The following GABRG3 variants were observed in gnomAD, a reference collection of about 807,000 sequenced individuals.
GABRG3 encodes the protein gamma-aminobutyric acid type A receptor subunit gamma3.
In GABRG3, 25 loss-of-function variants were observed where a neutral mutation model predicts 48.8. The ratio of observed to expected loss-of-function variants is 0.51; its 90% CI spans 0.37 to 0.72. The LOEUF (loss-of-function observed/expected upper bound fraction) is 0.72. Among genes scored for constraint, GABRG3 ranks in the 30% least tolerant of loss-of-function variants. GABRG3 has a pLI of 0.00. For synonymous variants in GABRG3, 227 were observed against 217.6 expected (o/e 1.04, Z -0.38); for missense variants, 394 against 577.9 (o/e 0.68, Z 3.26).
chr15:27,424,431 A>C (rs186305576), intron 5 of GABRG3, among the ~76,000 whole-genome samples: 1 of 152,118 alleles, frequency 6.6e-6, no homozygotes, highest in African/African-American at 2.4e-5. Context: ...CTGTGTCCTC[A>C]CATGGCAGGG....
chr15:27,051,661 C>A (rs997537932), intron 3 of GABRG3, among the ~76,000 whole-genome samples: 39 of 152,188 alleles, frequency 2.6e-4, no homozygotes, highest in African/African-American at 8.4e-4. Context: ...GGACCGGTTT[C>A]ATGGAAGACA....
At chr15:26,996,412 C>T in intron 2 of GABRG3, among the ~76,000 whole-genome samples, 1 of 151,966 alleles carries the variant, frequency 6.6e-6, no homozygotes, top group East Asian at 1.9e-4. Flanking sequence ...ACATTGTCTT[C>T]TGGCTTCCAT....
chr15:27,032,665 A>G (rs561208837), intron 3 of GABRG3, among the ~76,000 whole-genome samples: 1 of 152,350 alleles, frequency 6.6e-6, no homozygotes, highest in South Asian at 2.1e-4. Flanking sequence ...GCACAGCACT[A>G]AGCCATTCAT....
intron 5 of GABRG3, among the ~76,000 whole-genome samples, chr15:27,383,327 T>G (rs1320348649): frequency 1.3e-5 from 2 of 152,240 alleles, no homozygotes; most frequent in African/African-American, 4.8e-5. Flanking sequence ...CTTTCGCTTG[T>G]TGAATCTAGT....
chr15:27,522,819 T>C (rs3097501), intron 7 of GABRG3, among the ~76,000 whole-genome samples: 96,069 of 151,682 alleles, frequency 0.63, 31,835 homozygotes, highest in African/African-American at 0.84. Context: ...CAACAAAAAC[T>C]GAGAAGAGGA....
chr15:27,403,210 C>CA (rs36025515), intron 5 of GABRG3, among the ~76,000 whole-genome samples: 9,403 of 149,184 alleles, frequency 0.063, 964 homozygotes, highest in African/African-American at 0.22. Flanking sequence ...ATAAAATGAC[C>CA]AAAAAAAAAT....
intron 3 of GABRG3, among the ~76,000 whole-genome samples, chr15:27,199,417 C>G (rs74004722): frequency 1.1e-3 from 166 of 152,258 alleles, no homozygotes; most frequent in African/African-American, 3.9e-3. Flanking sequence ...GGTGAGGACT[C>G]TAGCCCAAAC....
intron 5 of GABRG3, among the ~76,000 whole-genome samples, chr15:27,395,752 A>C (rs1162910323): frequency 6.6e-6 from 1 of 152,252 alleles, no homozygotes; most frequent in Non-Finnish European, 1.5e-5. Flanking sequence ...AATGTAAACA[A>C]ATAATTCTAG....
At chr15:27,393,678 G>A (rs1887216632) in intron 5 of GABRG3, among the ~76,000 whole-genome samples, 1 of 152,140 alleles carries the variant, frequency 6.6e-6, no homozygotes, top group Non-Finnish European at 1.5e-5. Flanking sequence ...CAGAAAATGT[G>A]TAGTGGTTTC....
intron 3 of GABRG3, among the ~76,000 whole-genome samples, chr15:27,234,544 C>T (rs1337633797): frequency 1.3e-5 from 2 of 152,148 alleles, no homozygotes; most frequent in Non-Finnish European, 2.9e-5. Context: ...CTGCCTTTCT[C>T]CTCTTCTTTA....
intron 2 of GABRG3, among the ~76,000 whole-genome samples, chr15:26,984,676 T>A (rs1210925228): frequency 7.8e-6 from 1 of 127,876 alleles, no homozygotes; most frequent in Non-Finnish European, 1.9e-5. Flanking sequence ...TGGAGGAGGA[T>A]AAACCTTTTA....
chr15:27,389,464 G>A (rs538892476), intron 5 of GABRG3, among the ~76,000 whole-genome samples: 16 of 152,244 alleles, frequency 1.1e-4, no homozygotes, highest in East Asian at 9.7e-4. Context: ...TTGTACCAGC[G>A]CCACCACTGT....
intron 5 of GABRG3, among the ~76,000 whole-genome samples, chr15:27,387,033 A>C (rs528883325): frequency 6.6e-6 from 1 of 152,270 alleles, no homozygotes; most frequent in South Asian, 2.1e-4. Context: ...TTTTACCTTC[A>C]CTTGGAAACT....
rs139289883 is a variant in GABRG3, at chr15:27,221,581, G to C, written c.271-105228G>C. Among the ~76,000 whole-genome samples, 55 of 152,198 alleles carry C rather than the reference G, an allele frequency of 3.6e-4. 1 individual carries two copies. In the East Asian group the frequency reaches 9.1e-3, roughly 25 times the overall value. On this transcript the variant is annotated intron_variant, in intron 3 of 9. Transcript: ENST00000615808. ...AGAGAGACCCGGAGAGTCCCTTGGG[G>C]TACAAAGGCTGGGGGGCTCCCATGG... is the stretch of plus-strand genomic sequence containing the variant.
chr15:27,361,698 G>C (rs1895029235), intron 5 of GABRG3, among the ~76,000 whole-genome samples: 2 of 152,192 alleles, frequency 1.3e-5, no homozygotes, highest in African/African-American at 4.8e-5. Flanking sequence ...TTAAGGATGA[G>C]AGGACAAGCA....
intron 2 of GABRG3, among the ~76,000 whole-genome samples, chr15:27,017,716 G>C (rs151334950): frequency 6.6e-6 from 1 of 152,330 alleles, no homozygotes; most frequent in Admixed American, 6.5e-5. Flanking sequence ...CTTCTGTGTG[G>C]CTGGCTTTGC....
chr15:27,087,884 TG>T (rs1487347852), intron 3 of GABRG3, among the ~76,000 whole-genome samples: 1 of 148,454 alleles, frequency 6.7e-6, no homozygotes, highest in East Asian at 2.0e-4. Context: ...TGGTGTGCTA[TG>T]GGGTGTGTGT....
intron 5 of GABRG3, among the ~76,000 whole-genome samples, chr15:27,369,416 A>G (rs772214900): frequency 1.1e-4 from 16 of 152,240 alleles, no homozygotes; most frequent in Non-Finnish European, 2.1e-4. Context: ...AAACAATGCC[A>G]TTGTAGACAG....
At chr15:27,343,908 G>GC (rs1894275384) in intron 5 of GABRG3, among the ~76,000 whole-genome samples, 2 of 152,162 alleles carry the variant, frequency 1.3e-5, no homozygotes, top group African/African-American at 4.8e-5. Context: ...CAGATGGACT[G>GC]CCTTCTATAC....
Sources: allele counts gnomAD v4.1 joint callset (sites outside exome capture counted in the v4.1 genomes callset), GRCh38; gene constraint gnomAD v4.1.1; transcripts MANE v1.5; gene names NCBI Gene and HGNC (gene_info 2026-07-23, HGNC 2026-07-21).